GALK2: variants seen among roughly 807,000 people sequenced by gnomAD.
The protein encoded by GALK2 is galactokinase 2, also known as N-acetylgalactosamine kinase.
GALK2 carries 36 observed loss-of-function variants against 52.4 expected under a neutral mutation model. The observed-to-expected ratio is 0.69, with a 90% CI of 0.53 to 0.91. The LOEUF is 0.91. Ranked by LOEUF, GALK2 falls within the 40% of genes least tolerant of loss-of-function variation. GALK2 has a pLI of 0.00. For missense variants in GALK2, 579 were observed against 559.1 expected, an observed-to-expected ratio of 1.04 and a Z score of -0.36; for synonymous variants, 176 against 199.1, an observed-to-expected ratio of 0.88 and a Z score of 0.98.
At chr15:49,337,507 A>ATTTTTTT (rs2039940727) in intron 3 of GALK2, among the ~76,000 whole-genome samples, 1 of 22,990 alleles carries the variant, frequency 4.3e-5, no homozygotes, top group African/African-American at 1.8e-4. Context: ...TCATTTACCC[A>ATTTTTTT]CTTTTTTTTT....
exon 1 of GALK2, chr15:49,155,874 AGTT>A (rs2084431371): frequency 9.2e-7 from 1 of 1,092,278 alleles, no homozygotes; most frequent in African/African-American, 1.6e-5. Flanking sequence ...CGCATCGAGC[AGTT>A]TCCAGCCTCC....
chr15:49,206,346 T>TAGAAA, intron 2 of GALK2, among the ~76,000 whole-genome samples: 1 of 152,122 alleles, frequency 6.6e-6, no homozygotes, highest in East Asian at 1.9e-4. Context: ...TAATTGTTTT[T>TAGAAA]TCTAAGTCTG....
chr15:49,323,124 G>A (rs540034468), intron 9 of GALK2, among the ~76,000 whole-genome samples: 3 of 152,210 alleles, frequency 2.0e-5, no homozygotes, highest in Admixed American at 2.0e-4. Flanking sequence ...ATGGGGAAAG[G>A]TTCGAATGAA....
At chr15:49,324,327 G>A (rs2037146573) in intron 9 of GALK2, among the ~76,000 whole-genome samples, 1 of 147,676 alleles carries the variant, frequency 6.8e-6, no homozygotes, top group Non-Finnish European at 1.5e-5. Context: ...GTCATAATGG[G>A]GAAGAATGAA....
intron 2 of GALK2, among the ~76,000 whole-genome samples, chr15:49,212,109 T>C (rs1438642302): frequency 1.3e-5 from 2 of 152,226 alleles, no homozygotes; most frequent in Non-Finnish European, 2.9e-5. Context: ...TCTTTTTTGT[T>C]TGAAATGGAG....
chr15:49,354,916 A>T (rs946002905), intron 3 of GALK2, among the ~76,000 whole-genome samples: 4 of 152,044 alleles, frequency 2.6e-5, no homozygotes, highest in Admixed American at 6.5e-5. Flanking sequence ...CTGCCTCCTC[A>T]AGTGGGTCCC....
At chr15:49,283,433 C>G in intron 6 of GALK2, 133 bp from the exon 7 acceptor site, 2 of 743,964 alleles carry the variant, frequency 2.7e-6, no homozygotes, top group Non-Finnish European at 4.4e-6. Flanking sequence ...AGTACAGCGC[C>G]TGGAGGTCAA....
chr15:49,180,293 C>G (rs1182632318), intron 1 of GALK2, among the ~76,000 whole-genome samples: 1 of 152,154 alleles, frequency 6.6e-6, no homozygotes, highest in African/African-American at 2.4e-5. Flanking sequence ...CAGGCAGAAA[C>G]ATTAACCCCT....
At chr15:49,285,169 G>A (rs1159173973) in intron 7 of GALK2, among the ~76,000 whole-genome samples, 1 of 151,954 alleles carries the variant, frequency 6.6e-6, no homozygotes, top group African/African-American at 2.4e-5. Context: ...TTTTTTCATT[G>A]GTAAATCCAG....
At chr15:49,262,018 T>C (rs1480297872) in intron 5 of GALK2, among the ~76,000 whole-genome samples, 1 of 152,180 alleles carries the variant, frequency 6.6e-6, no homozygotes, top group Non-Finnish European at 1.5e-5. Context: ...AGGATATTGG[T>C]CTAAAATTCT....
chr15:49,345,917 G>A (rs1030330582), intron 3 of GALK2, among the ~76,000 whole-genome samples: 3 of 152,158 alleles, frequency 2.0e-5, no homozygotes, highest in African/African-American at 7.2e-5. Context: ...GTGTGTGTGA[G>A]AGACTCAGGA....
intron 1 of GALK2, among the ~76,000 whole-genome samples, chr15:49,162,131 A>G (rs771030759): frequency 2.2e-4 from 34 of 152,226 alleles, no homozygotes; most frequent in Non-Finnish European, 3.8e-4. Context: ...TTCCTTGCAG[A>G]AATTTCTCTC....
intron 2 of GALK2, among the ~76,000 whole-genome samples, chr15:49,208,719 T>C (rs1380722872): frequency 6.6e-6 from 1 of 152,230 alleles, no homozygotes; most frequent in East Asian, 1.9e-4. Context: ...TGACTTTCTG[T>C]CTTGATGACC....
At chr15:49,317,951 C>T (rs2036554843) in intron 8 of GALK2, among the ~76,000 whole-genome samples, 2 of 151,962 alleles carry the variant, frequency 1.3e-5, no homozygotes, top group Admixed American at 6.5e-5. Context: ...GGAGAAATAC[C>T]TAATAGAGAT....
chr15:49,322,977 GAA>G (rs1291134709), intron 9 of GALK2, among the ~76,000 whole-genome samples: 1 of 123,142 alleles, frequency 8.1e-6, no homozygotes. Context: ...AAAAAAAAAA[GAA>G]AAAAAAAAAA....
chr15:49,192,632 T>C (rs2086853949), intron 1 of GALK2, among the ~76,000 whole-genome samples: 1 of 151,234 alleles, frequency 6.6e-6, no homozygotes, highest in Non-Finnish European at 1.5e-5. Flanking sequence ...CTGAAAGTGT[T>C]GTACCAAATT....
intron 1 of GALK2, among the ~76,000 whole-genome samples, chr15:49,170,906 G>A (rs989017785): frequency 2.6e-5 from 4 of 151,948 alleles, no homozygotes; most frequent in Admixed American, 6.6e-5. Context: ...TCTCGGGGAG[G>A]ATCTTTTCAG....
intron 1 of GALK2, among the ~76,000 whole-genome samples, chr15:49,198,305 GCA>G (rs2087421805): frequency 6.6e-6 from 1 of 152,148 alleles, no homozygotes; most frequent in Non-Finnish European, 1.5e-5. Flanking sequence ...TTATTCACCT[GCA>G]CAGACTGGAA....
chr15:49,258,585 C>T (rs146491082), intron 5 of GALK2, among the ~76,000 whole-genome samples: 1 of 152,116 alleles, frequency 6.6e-6, no homozygotes, highest in East Asian at 1.9e-4. Context: ...CTGTGCTATA[C>T]ACCCACATGA....
Sources: allele counts gnomAD v4.1 joint callset (sites outside exome capture counted in the v4.1 genomes callset), GRCh38; gene constraint gnomAD v4.1.1; transcripts MANE v1.5; gene names NCBI Gene and HGNC (gene_info 2026-07-23, HGNC 2026-07-21).